Variants in WDR73 observed in about 807,000 individuals in gnomAD.
WDR73 encodes the protein WD repeat domain 73.
Under a neutral mutation model 38.2 loss-of-function variants are expected in WDR73, and 30 were observed. That is an observed-to-expected ratio of 0.79 (90% confidence interval 0.59 to 1.06). The LOEUF (loss-of-function observed/expected upper bound fraction) is 1.06. Ranked by LOEUF, WDR73 falls within the 50% of genes least tolerant of loss-of-function variation. The pLI is 0.00. For synonymous variants in WDR73, 197 were observed against 176.0 expected, an observed-to-expected ratio of 1.12 and a Z score of -0.94; for missense variants, 487 against 467.0, an observed-to-expected ratio of 1.04 and a Z score of -0.40.
chr15:84,643,623 T>C lies in WDR73; in HGVS notation c.984A>G (p.Arg328=). ...RSQVEPLFTH[R]GHIFLDGNGM... is the part of the protein sequence containing the mutation. ...CATTTCCATCTAGGAAGATGTGACC[T>C]CTGTGAGTGAAGAGAGGTTCTACTT... Residue 328 remains arginine (R), a synonymous_variant, in exon 8 of 8, where the codon AGA becomes AGG. Transcript: ENST00000434634. The C allele has an allele frequency of 6.2e-7, 1 of 1,612,834 alleles. No individual in the cohort carries two copies. The highest frequency in any genetic ancestry group is 8.5e-7 in the Non-Finnish European group (1 of 1,179,454).
At chr15:84,650,886 T>G (rs776477483) in intron 3 of WDR73, among the ~76,000 whole-genome samples, 10 of 152,282 alleles carry the variant, frequency 6.6e-5, no homozygotes, top group African/African-American at 2.4e-4. Context: ...CCCAGCACTT[T>G]GGGAGGCAGG....
In WDR73 at chr15:84,649,086, A is replaced by G. The variant is rs111386788; in HGVS notation, c.199-461T>C. Reference sequence around the variant, plus strand: ...TCACATTTAATTCTTACAACCTCCTATGATATAGGTACTATAATTATCCCT... The same window carrying G: ...TCACATTTAATTCTTACAACCTCCTGTGATATAGGTACTATAATTATCCCT... On this transcript the variant is annotated intron_variant, in intron 3 of 7. Coordinates refer to ENST00000434634, the MANE Select transcript of WDR73 (RefSeq NM_032856.5). 4.0e-3 allele frequency among the ~76,000 whole-genome samples: 613 copies of G among 152,320 alleles called. 4 individuals carry two copies. Among genetic ancestry groups the G allele is most frequent in the African/African-American group, 0.014 (582 of 41,574 alleles).
rs774735599 is a variant in WDR73 at position 84,645,543 on chromosome 15, C to T, written c.811G>A (p.Val271Ile). ...AGCAGCTCTGGGTCAGGGCTAGGTA[C>T]GGATACTGGGCACTGGACTGAGCTC... ...PVSSVQCPVSVPSPDPELLRV... is the reference protein window; with the variant it reads ...PVSSVQCPVSIPSPDPELLRV... Residue 271 changes from valine (V) to isoleucine (I), a missense_variant, in exon 7 of 8, where the codon GTA becomes ATA. By Grantham distance (29) the Val-to-Ile change is conservative. Transcript: ENST00000434634. The T allele has an allele frequency of 1.3e-5, 21 of 1,611,816 alleles. No homozygotes were observed. The highest frequency in any genetic ancestry group is 5.3e-5 in the African/African-American group (4 of 74,880).
chr15:84,653,761 G>T, intron 1 of WDR73, 62 bp from the exon 2 acceptor site: 1 of 1,338,556 alleles, frequency 7.5e-7, no homozygotes, highest in Non-Finnish European at 1.1e-6. Context: ...AGAACTCCAA[G>T]ATGGCAGCCG....
chr15:84,647,648 C>T, intron 5 of WDR73: 1 of 504,114 alleles, frequency 2.0e-6, no homozygotes, highest in South Asian at 2.3e-5. Context: ...AGGTGCCTAC[C>T]ACCATGCCCG....
Position 84,639,419 on chromosome 15 carries a change from A to G in WDR73, c.*4051T>C, listed in dbSNP as rs1207711583. On this transcript the variant is annotated 3_prime_UTR_variant, in exon 8 of 8. Transcript: ENST00000434634. ...GAATCCCCCCAGAATTAAAAAAAAA[A>G]AATTACTATCTCCTCTCCCTGGCAT... The G allele has an allele frequency of 1.3e-5, 2 of 152,160 alleles. No homozygotes were observed. The highest frequency in any genetic ancestry group is 2.9e-5 in the Non-Finnish European group (2 of 68,032). The allele number at this position is 152,160 out of a possible 1,614,324, so 9.4% of individuals were successfully genotyped here.
Position 84,652,774 on chromosome 15 carries a change from C to G in WDR73, c.138G>C (p.Leu46=). Residue 46 remains leucine, a synonymous_variant, in exon 3 of 8, where the codon CTG becomes CTC. Coordinates refer to ENST00000434634, the MANE Select transcript of WDR73 (RefSeq NM_032856.5). ...KGVFVAGYES[L]KKNEILHLKL... ...TCAGATGAAGAATTTCATTCTTTTT[C>G]AGGCTTTCATAGCCAGCAACAAAGA... The G allele has an allele frequency of 2.6e-6, 4 of 1,537,440 alleles. No individual in the cohort carries two copies. Among genetic ancestry groups the G allele is most frequent in the Non-Finnish European group, 3.5e-6 (4 of 1,140,654 alleles).
rs893846258 is a variant in WDR73, at chr15:84,640,650, C to G, written c.*2820G>C. The G allele has an allele frequency of 6.6e-6, 1 of 152,218 alleles. No homozygotes were observed. The highest frequency in any genetic ancestry group is 2.4e-5 in the African/African-American group (1 of 41,458). 9.4% of individuals were successfully genotyped at this position (152,218 alleles called of 1,614,324 possible). A position where few individuals can be genotyped will look rare whatever the true frequency, so the allele number is the denominator to read the frequency against. On this transcript the variant is annotated 3_prime_UTR_variant, in exon 8 of 8. Transcript: ENST00000434634. ...GTTGGAGGCCGCAGTGAGCTGTGATCATGCCACTGCATTCCAGCCTGGGCG... is the reference window on the plus strand; with the variant it reads ...GTTGGAGGCCGCAGTGAGCTGTGATGATGCCACTGCATTCCAGCCTGGGCG...
chr15:84,647,684 G>C (rs1397009354), intron 5 of WDR73: 2 of 579,634 alleles, frequency 3.5e-6, no homozygotes, highest in Non-Finnish European at 6.2e-6. Flanking sequence ...TTTTAATAGA[G>C]ACAGGTTTCA....
Position 84,643,677 on chromosome 15 carries a change from T to C in WDR73, c.930A>G (p.Gly310=), listed in dbSNP as rs757339656. The C allele has an allele frequency of 7.2e-6, 11 of 1,518,808 alleles. No homozygotes were observed. Among genetic ancestry groups the C allele is most frequent in the Non-Finnish European group, 9.1e-6 (10 of 1,104,078 alleles). 94.1% of individuals were successfully genotyped at this position (1,518,808 alleles called of 1,614,324 possible). The change falls in exon 8 of 8, where the codon GGA becomes GGG. Residue 310 remains glycine (G), a synonymous_variant. Coordinates refer to ENST00000434634, the MANE Select transcript of WDR73 (RefSeq NM_032856.5). The part of the protein sequence containing the change: ...VQVYDATSWD[G]TRSQDGTRSQ... ...TCCGTGTTCCATCTTGGCTCCGTGT[T>C]CCATCCCAAGATGTGGCATCATAGA...
chr15:84,646,510 T>C, intron 5 of WDR73, 162 bp from the exon 6 acceptor site: 1 of 1,082,004 alleles, frequency 9.2e-7, no homozygotes, highest in Non-Finnish European at 1.3e-6. Flanking sequence ...GGCTTATGTT[T>C]ACATTTTTGA....
rs768057190 is a variant in WDR73 at position 84,645,547 on chromosome 15, T to C, written c.807A>G (p.Val269=). 1.7e-5 allele frequency: 28 copies of C among 1,611,974 alleles called. No individual in the cohort carries two copies. The highest frequency in any genetic ancestry group is 4.4e-5 in the South Asian group (4 of 90,736). ...GCTCTGGGTCAGGGCTAGGTACGGA[T>C]ACTGGGCACTGGACTGAGCTCACAG... ...CHPVSSVQCP[V]SVPSPDPELL... The change falls in exon 7 of 8, where the codon GTA becomes GTG. Residue 269 remains valine, a synonymous_variant. Transcript: ENST00000434634.
In WDR73 at chr15:84,647,959, T is replaced by TC. The variant is rs760444191; in HGVS notation, c.288-6dup. The TC allele has an allele frequency of 5.0e-5, 81 of 1,613,854 alleles. No individual in the cohort carries two copies. The highest frequency in any genetic ancestry group is 6.8e-6 in the Non-Finnish European group (8 of 1,179,876). On this transcript the variant is annotated splice_region_variant and splice_polypyrimidine_tract_variant and intron_variant, in intron 4 of 7. Coordinates refer to ENST00000434634, the MANE Select transcript of WDR73 (RefSeq NM_032856.5). ...AGGCCACTGGTAACCAGCAATCTATTCAGAAAAGACAAAATCAGTCCAGAC... is the reference window on the plus strand; with the variant it reads ...AGGCCACTGGTAACCAGCAATCTATTCCAGAAAAGACAAAATCAGTCCAGAC...
rs570700404 is a variant in WDR73 at position 84,641,898 on chromosome 15, A to G, written c.*1572T>C. ...TTTTTTTTAGAGACAGGGGTTCACC[A>G]TGGTGCCCAGGCTGATCTCGAACTC... On this transcript the variant is annotated 3_prime_UTR_variant, in exon 8 of 8. Coordinates refer to ENST00000434634, the MANE Select transcript of WDR73 (RefSeq NM_032856.5). The G allele has an allele frequency of 5.9e-5, 9 of 152,212 alleles. No individual in the cohort carries two copies. The highest frequency in any genetic ancestry group is 2.2e-4 in the African/African-American group (9 of 41,518). 9.4% of individuals were successfully genotyped at this position (152,212 alleles called of 1,614,324 possible).
At chr15:84,645,288 GT>G (rs1350992579) in intron 7 of WDR73, 182 bp downstream of exon 7, 2 of 1,500,192 alleles carry the variant, frequency 1.3e-6, no homozygotes, top group African/African-American at 1.4e-5. Flanking sequence ...ATGTGTGGAA[GT>G]TTAGTAGCCA....
intron 2 of WDR73, chr15:84,653,157 G>A (rs1452913312): frequency 1.9e-5 from 4 of 205,488 alleles, no homozygotes; most frequent in African/African-American, 9.2e-5. Flanking sequence ...CAAGCAATCT[G>A]CCCGCTGCCT....
chr15:84,653,813 G>A lies in WDR73; in HGVS notation c.42-114C>T, dbSNP rs1312138053. 5 of 822,318 alleles carry A rather than the reference G, an allele frequency of 6.1e-6. No homozygotes were observed. The African/African-American group carries it at 6.8e-5, about 11-fold the overall frequency. The allele number at this position is 822,318 out of a possible 1,614,324, so 50.9% of individuals were successfully genotyped here. A position where few individuals can be genotyped will look rare whatever the true frequency, so the allele number is the denominator to read the frequency against. On this transcript the variant is annotated intron_variant, in intron 1 of 7. Transcript: ENST00000434634. ...AAACTCTGGAGTCAGGCAGACGTGG[G>A]ACTGAGTTTACTTCCCATTTTACTC...
At chr15:84,652,592 G>A (rs1896657959) in intron 3 of WDR73, 122 bp downstream of exon 3, 3 of 543,890 alleles carry the variant, frequency 5.5e-6, no homozygotes, top group South Asian at 6.1e-5. Context: ...GACTAGAAGG[G>A]CAGGCCTAGC....
chr15:84,640,732 A>G lies in WDR73; in HGVS notation c.*2738T>C, dbSNP rs1361429978. 1 of 152,194 alleles carries G rather than the reference A, an allele frequency of 6.6e-6. No homozygotes were observed. The highest frequency in any genetic ancestry group is 6.5e-5 in the Admixed American group (1 of 15,284). 9.4% of individuals were successfully genotyped at this position (152,194 alleles called of 1,614,324 possible). On this transcript the variant is annotated 3_prime_UTR_variant, in exon 8 of 8. Coordinates refer to ENST00000434634, the MANE Select transcript of WDR73 (RefSeq NM_032856.5). ...AATAATATTATTAAAAGAATTTAAA[A>G]TAAAGTGTTCCATAGATGTGAACCC...
Sources: allele counts gnomAD v4.1 joint callset (sites outside exome capture counted in the v4.1 genomes callset), GRCh38; gene constraint gnomAD v4.1.1; transcripts MANE v1.5; gene names NCBI Gene and HGNC (gene_info 2026-07-23, HGNC 2026-07-21).